Variants in ADH4 observed in about 807,000 individuals in gnomAD.
ADH4 encodes the protein alcohol dehydrogenase 4 (class II), pi polypeptide, also known as all-trans-retinol dehydrogenase [NAD(+)] ADH4.
In ADH4, 31 loss-of-function variants were observed where a neutral mutation model predicts 35.2. The ratio of observed to expected loss-of-function variants is 0.88; its 90% confidence interval spans 0.66 to 1.19. ADH4 has a LOEUF of 1.19. ADH4 is among the 50% of genes most tolerant of loss of function. The pLI is 0.00. For synonymous variants in ADH4, 171 were observed against 160.2 expected (o/e 1.07, Z -0.51); for missense variants, 476 against 458.3 (o/e 1.04, Z -0.35).
At chr4:99,140,922 G>A (rs1729593830) in intron 3 of ADH4, among the ~76,000 whole-genome samples, 2 of 151,704 alleles carry the variant, frequency 1.3e-5, no homozygotes, top group South Asian at 2.1e-4. Flanking sequence ...AAGGGTACAT[G>A]TGCAGGTTTG....
intron 4 of ADH4, among the ~76,000 whole-genome samples, chr4:99,137,134 TA>T (rs1342776106): frequency 9.5e-3 from 108 of 11,380 alleles, no homozygotes; most frequent in East Asian, 0.1. Flanking sequence ...TTATTATTAT[TA>T]TTTTTTTTTT....
Position 99,144,191 on chromosome 4 carries a change from G to T in ADH4, c.18+14C>A, listed in dbSNP as rs777978835. On this transcript the variant is annotated intron_variant, in intron 1 of 8. Transcript: ENST00000265512. ...AAAGCACAAACTGAACAAAGATACA[G>T]CTTACTTGCTTACTTTGCCCTTGGT... The T allele has an allele frequency of 6.2e-7, 1 of 1,613,558 alleles. No individual in the cohort carries two copies. Among genetic ancestry groups the T allele is most frequent in the Non-Finnish European group, 8.5e-7 (1 of 1,179,508 alleles).
In ADH4 at chr4:99,127,321, G is replaced by A. The variant is rs371775374; in HGVS notation, c.867C>T (p.Thr289=). Residue 289 remains threonine, a synonymous_variant, in exon 7 of 9, where the codon ACC becomes ACT. Coordinates refer to ENST00000265512, the MANE Select transcript of ADH4 (RefSeq NM_000670.5). ...ETMKAALDCT[T]AGWGSCTFIG... is the part of the protein sequence containing the mutation. Reference sequence around the variant, plus strand: ...TGAAAGTACATGATCCCCAGCCTGCGGTTGTACAGTCCAGGGCTGCTTTCT... The same window carrying A: ...TGAAAGTACATGATCCCCAGCCTGCAGTTGTACAGTCCAGGGCTGCTTTCT... 4.8e-5 allele frequency: 77 copies of A among 1,611,908 alleles called. No individual in the cohort carries two copies. The East Asian group carries it at 8.3e-4, about 17-fold the overall frequency.
rs1729678535 is a variant in ADH4 at position 99,142,954 on chromosome 4, G to A, written c.19-174C>T. The A allele has an allele frequency of 1.8e-5, 11 of 610,842 alleles. No individual in the cohort carries two copies. In the South Asian group the frequency reaches 2.0e-4, roughly 11 times the overall value. 37.8% of individuals were successfully genotyped at this position (610,842 alleles called of 1,614,324 possible). A position where few individuals can be genotyped will look rare whatever the true frequency, so the allele number is the denominator to read the frequency against. ...TATAGATATTATTTTAAAGACAAGG[G>A]ATCTTAAAGAAAAATAAGAAGTTAA... On this transcript the variant is annotated intron_variant, in intron 1 of 8. Transcript: ENST00000265512.
chr4:99,127,264 A>T lies in ADH4; in HGVS notation c.924T>A (p.Thr308=), dbSNP rs1196003377. 1.9e-6 allele frequency: 3 copies of T among 1,612,162 alleles called. No homozygotes were observed. Among genetic ancestry groups the T allele is most frequent in the Non-Finnish European group, 2.5e-6 (3 of 1,178,876 alleles). Reference sequence around the variant, plus strand: ...CGATTATTAGCTCCTCTGGAAAAATAGTCAATCCTTTGCTACCAGCAGCTA... The same window carrying T: ...CGATTATTAGCTCCTCTGGAAAAATTGTCAATCCTTTGCTACCAGCAGCTA... ...IGVAAGSKGL[T]IFPEELIIGR... is the part of the protein sequence containing the mutation. Residue 308 remains threonine, a synonymous_variant, in exon 7 of 9, where the codon ACT becomes ACA. Transcript: ENST00000265512.
chr4:99,139,084 G>A lies in ADH4; in HGVS notation c.327C>T (p.Leu109=). 6.2e-7 allele frequency: 1 copy of A among 1,612,924 alleles called. No individual in the cohort carries two copies. The highest frequency in any genetic ancestry group is 8.5e-7 in the Non-Finnish European group (1 of 1,179,284). The change falls in exon 4 of 9, where the codon CTC becomes CTT. Residue 109 remains leucine (L), a synonymous_variant. Coordinates refer to ENST00000265512, the MANE Select transcript of ADH4 (RefSeq NM_000670.5). ...CRKCKFCLSP[L]TNLCGKISNL... ...ACCTGATTTTCCCACACAAATTTGT[G>A]AGTGGACTCAGACAAAACTTGCATT...
At chr4:99,142,374 T>C (rs6831352) in intron 2 of ADH4, among the ~76,000 whole-genome samples, 113,890 of 152,200 alleles carry the variant, frequency 0.75, 43,176 homozygotes, top group East Asian at 1. Flanking sequence ...TAATTAGCAA[T>C]TGGAAAGCAA....
At chr4:99,138,468 G>T (rs7670241) in intron 4 of ADH4, among the ~76,000 whole-genome samples, 31,981 of 152,022 alleles carry the variant, frequency 0.21, 4,042 homozygotes, top group Non-Finnish European at 0.29. Flanking sequence ...CCATACTGCC[G>T]GGGTTAAAAA....
Position 99,124,394 on chromosome 4 carries a change from G to A in ADH4, c.*48C>T, listed in dbSNP as rs201456450. ...TCAAATCAGGTAATAAATTAACCAG[G>A]CAGGTTCACATTCAATCAGATAGTA... On this transcript the variant is annotated 3_prime_UTR_variant, in exon 9 of 9. Transcript: ENST00000265512. 2.8e-5 allele frequency: 38 copies of A among 1,339,008 alleles called. No individual in the cohort carries two copies. The African/African-American group carries it at 3.7e-4, about 13-fold the overall frequency. 82.9% of individuals were successfully genotyped at this position (1,339,008 alleles called of 1,614,324 possible).
chr4:99,138,216 C>T (rs1235507077), intron 4 of ADH4, among the ~76,000 whole-genome samples: 2 of 151,936 alleles, frequency 1.3e-5, no homozygotes, highest in African/African-American at 2.4e-5. Flanking sequence ...TGCCTAAATC[C>T]ATTATTTCAT....
chr4:99,135,142 A>G (rs929609993), intron 5 of ADH4, among the ~76,000 whole-genome samples: 2 of 152,130 alleles, frequency 1.3e-5, no homozygotes, highest in African/African-American at 4.8e-5. Flanking sequence ...GATAAGAATG[A>G]AGACAGAGGC....
chr4:99,131,412 T>G, intron 6 of ADH4, 92 bp downstream of exon 6: 1 of 1,390,026 alleles, frequency 7.2e-7, no homozygotes, highest in Admixed American at 2.1e-5. Context: ...TTGAAAGTAC[T>G]AAGTACCATA....
chr4:99,143,217 G>C (rs13125262), intron 1 of ADH4: 43,764 of 701,780 alleles, frequency 0.062, 2,319 homozygotes, highest in South Asian at 0.17. Flanking sequence ...TCTGCAACTC[G>C]AAGTGTGGTC....
intron 8 of ADH4, among the ~76,000 whole-genome samples, chr4:99,124,717 T>C (rs1729028023): frequency 1.3e-5 from 2 of 152,188 alleles, no homozygotes; most frequent in Admixed American, 6.5e-5. Flanking sequence ...TGTTACTCAG[T>C]GGTGCTGTTG....
At chr4:99,127,141 C>A (rs1386947919) in intron 7 of ADH4, 68 bp downstream of exon 7, 14 of 1,318,360 alleles carry the variant, frequency 1.1e-5, no homozygotes, top group East Asian at 2.3e-5. Context: ...TTTTCAATAA[C>A]CTTCACTCTA....
intron 6 of ADH4, among the ~76,000 whole-genome samples, chr4:99,129,607 C>T (rs1206192898): frequency 6.6e-6 from 1 of 152,166 alleles, no homozygotes; most frequent in Non-Finnish European, 1.5e-5. Flanking sequence ...TCACCTTTTG[C>T]TATGTCTCCC....
chr4:99,134,006 T>C (rs1401494394), intron 5 of ADH4, among the ~76,000 whole-genome samples: 1 of 152,164 alleles, frequency 6.6e-6, no homozygotes, highest in Non-Finnish European at 1.5e-5. Flanking sequence ...AATCCTGTTA[T>C]GGTGAAAACA....
Position 99,135,149 on chromosome 4 carries a change from A to G in ADH4, c.582+1317T>C, listed in dbSNP as rs566253254. Among the ~76,000 whole-genome samples, 3 of 152,206 alleles carry G rather than the reference A, an allele frequency of 2.0e-5. No homozygotes were observed. In the South Asian group the frequency reaches 6.2e-4, roughly 32 times the overall value. ...TATAGTGTGATAAGAATGAAGACAG[A>G]GGCTGGTGGTGGCTGATGCCTGTAA... is the stretch of plus-strand genomic sequence containing the variant. On this transcript the variant is annotated intron_variant, in intron 5 of 8. Transcript: ENST00000265512.
chr4:99,131,623 C>T lies in ADH4; in HGVS notation c.724G>A (p.Gly242Arg), dbSNP rs1729274679. The change falls in exon 6 of 9, where the codon GGA becomes AGA. Residue 242 changes from glycine (G) to arginine (R), a missense_variant. Gly to Arg is a moderately radical substitution (Grantham distance 125). Transcript: ENST00000265512. ...CTAGGATTGAGGCAGTCAGTGGCTCCCAGGGCTTTAGCCTTCACAAACTTC... is the reference window on the plus strand; with the variant it reads ...CTAGGATTGAGGCAGTCAGTGGCTCTCAGGGCTTTAGCCTTCACAAACTTC... ...SEKFVKAKAL[G>R]ATDCLNPRDL... The T allele has an allele frequency of 6.2e-7, 1 of 1,614,076 alleles. No homozygotes were observed. Among genetic ancestry groups the T allele is most frequent in the Admixed American group, 1.7e-5 (1 of 60,008 alleles).
Sources: gnomAD v4.1 joint callset for allele counts (sites outside exome capture counted in the v4.1 genomes callset) on GRCh38, gnomAD v4.1.1 for gene constraint, MANE v1.5 for transcripts, NCBI Gene and HGNC (gene_info 2026-07-23, HGNC 2026-07-21) for gene names.